Variants in PIEZO2 observed in about 807,000 individuals in gnomAD.
The protein encoded by PIEZO2 is piezo type mechanosensitive ion channel component 2, also known as piezo-type mechanosensitive ion channel component 2.
Under a neutral mutation model 337.3 loss-of-function variants are expected in PIEZO2, and 172 were observed. That is an observed-to-expected ratio of 0.51 (90% CI 0.45 to 0.58). The LOEUF is 0.58. PIEZO2 is among the 20% of genes least tolerant of loss of function. The pLI is 0.00. For synonymous variants in PIEZO2, 1,251 were observed against 1,228.5 expected, an observed-to-expected ratio of 1.02 and a Z score of -0.38; for missense variants, 3,028 against 3,391.3, an observed-to-expected ratio of 0.89 and a Z score of 2.66.
At chr18:10,900,010 G>A (rs1291436296) in intron 4 of PIEZO2, among the ~76,000 whole-genome samples, 2 of 152,066 alleles carry the variant, frequency 1.3e-5, no homozygotes, top group African/African-American at 4.8e-5. Flanking sequence ...AGAAGTTTTC[G>A]TGAAGGATTG....
rs559803938 is a variant in PIEZO2 at position 10,871,853 on chromosome 18, C to G, written c.330-438G>C. ...GTTAAAGTAATCCTGGAATCCAGGA[C>G]CTCTTCATTATTTTGTATACTTGGT... On this transcript the variant is annotated intron_variant, in intron 4 of 55. Transcript: ENST00000674853. Among the ~76,000 whole-genome samples, 35 of 152,230 alleles carry G rather than the reference C, an allele frequency of 2.3e-4. No individual in the cohort carries two copies. In the South Asian group the frequency reaches 7.3e-3, roughly 32 times the overall value.
At chr18:10,720,411 A>C (rs12455613) in intron 36 of PIEZO2, among the ~76,000 whole-genome samples, 3 of 9,962 alleles carry the variant, frequency 3.0e-4, no homozygotes, top group South Asian at 4.2e-3. Flanking sequence ...GTGTATGTGT[A>C]TGTGTATGTA....
rs1207163888 is a variant in PIEZO2 at position 10,846,307 on chromosome 18, T to C, written c.917+9046A>G. Among the ~76,000 whole-genome samples the C allele has an allele frequency of 6.6e-6, 1 of 152,130 alleles. No individual in the cohort carries two copies. Among genetic ancestry groups the C allele is most frequent in the African/African-American group, 2.4e-5 (1 of 41,420 alleles). The stretch of plus-strand genomic sequence containing the variant: ...ACTCCCGTTTTTTAAAACCATCAGA[T>C]TTGTGAGACTCATTCACTATCACCA... On this transcript the variant is annotated intron_variant, in intron 7 of 55. Transcript: ENST00000674853. This position sits in a 1 kb window ranked among gnomAD's most constrained non-coding sequence, Gnocchi z 4.1.
At chr18:10,683,241 C>G (rs2034355681) in intron 49 of PIEZO2, among the ~76,000 whole-genome samples, 1 of 152,224 alleles carries the variant, frequency 6.6e-6, no homozygotes, top group South Asian at 2.1e-4. Context: ...TAGGCACTAG[C>G]CATAGATTAC....
rs1429665340 is a variant in PIEZO2, at chr18:10,794,799, C to G, written c.1731G>C (p.Lys577Asn). The change falls in exon 13 of 56, where the codon AAG becomes AAC. Residue 577 changes from lysine (K) to asparagine (N), a missense_variant. Lys to Asn is a moderately conservative substitution (Grantham distance 94). Coordinates refer to ENST00000674853, the MANE Select transcript of PIEZO2 (RefSeq NM_001378183.1). The surrounding 1 kb of genome is among the most constrained non-coding windows in gnomAD (Gnocchi z 6.6). Reference sequence around the variant, plus strand: ...TGGAAGCAAGTTCTCCTGGCTCTTTCTTTTCTAAAAATCCTGGAACTTTTT... The same window carrying G: ...TGGAAGCAAGTTCTCCTGGCTCTTTGTTTTCTAAAAATCCTGGAACTTTTT... Reference protein sequence around the residue: ...EIKKVPGFLEKKEPGELASKI... With the variant: ...EIKKVPGFLENKEPGELASKI... 1 of 1,534,900 alleles carries G rather than the reference C, an allele frequency of 6.5e-7. No individual in the cohort carries two copies. The highest frequency in any genetic ancestry group is 8.7e-7 in the Non-Finnish European group (1 of 1,145,930).
At chr18:10,851,677 T>A (rs771677057) in intron 7 of PIEZO2, among the ~76,000 whole-genome samples, 5 of 152,164 alleles carry the variant, frequency 3.3e-5, no homozygotes, top group Admixed American at 6.5e-5. Flanking sequence ...GGGAAAAATT[T>A]AAAAAAATTT....
Position 10,973,238 on chromosome 18 carries a change from C to T in PIEZO2, c.286+6297G>A, listed in dbSNP as rs2034311845. On this transcript the variant is annotated intron_variant, in intron 3 of 55. Coordinates refer to ENST00000674853, the MANE Select transcript of PIEZO2 (RefSeq NM_001378183.1). The surrounding 1 kb of genome is among the most constrained non-coding windows in gnomAD (Gnocchi z 4.9). ...TGTCATGCAGTGCTACCACTCAGCT[C>T]GCCTTCGTGCCTGTGTCTAGCTTTT... Among the ~76,000 whole-genome samples the T allele has an allele frequency of 6.6e-6, 1 of 152,228 alleles. No individual in the cohort carries two copies. Among genetic ancestry groups the T allele is most frequent in the South Asian group, 2.1e-4 (1 of 4,830 alleles).
At chr18:10,928,145 C>T (rs1178792300) in intron 3 of PIEZO2, among the ~76,000 whole-genome samples, 1 of 152,184 alleles carries the variant, frequency 6.6e-6, no homozygotes. Flanking sequence ...AGAATGAAGT[C>T]TGGCTTTGAA....
Position 10,770,047 on chromosome 18 carries a change from T to C in PIEZO2, c.2946+101A>G, listed in dbSNP as rs1419844102. 2.4e-6 allele frequency: 3 copies of C among 1,257,524 alleles called. No individual in the cohort carries two copies. In the East Asian group the frequency reaches 7.6e-5, roughly 32 times the overall value. The allele number at this position is 1,257,524 out of a possible 1,614,324, so 77.9% of individuals were successfully genotyped here. On this transcript the variant is annotated intron_variant, in intron 21 of 55. Transcript: ENST00000674853. ...GTCTTGGAGTCTTGATACTCCGATGTAATGCGGATCACATTAAAAAAATCA... is the reference window on the plus strand; with the variant it reads ...GTCTTGGAGTCTTGATACTCCGATGCAATGCGGATCACATTAAAAAAATCA...
Position 11,009,178 on chromosome 18 carries a change from G to A in PIEZO2, c.161-29518C>T, listed in dbSNP as rs763338997. ...AATCCTGGTAGGTTGCTCTTGCCAC[G>A]TCACTGTTATTTGCCTGGGCAGTGT... On this transcript the variant is annotated intron_variant, in intron 2 of 55. Transcript: ENST00000674853. This position sits in a 1 kb window ranked among gnomAD's most constrained non-coding sequence, Gnocchi z 4.6. 1.7e-4 allele frequency among the ~76,000 whole-genome samples: 26 copies of A among 152,186 alleles called. No individual in the cohort carries two copies. Among genetic ancestry groups the A allele is most frequent in the Non-Finnish European group, 2.6e-4 (18 of 68,040 alleles).
At chr18:10,715,172 A>G (rs1200086157) in intron 38 of PIEZO2, among the ~76,000 whole-genome samples, 2 of 152,240 alleles carry the variant, frequency 1.3e-5, no homozygotes, top group Non-Finnish European at 2.9e-5. Context: ...TAACCTTTCA[A>G]GATATGAACT....
intron 1 of PIEZO2, among the ~76,000 whole-genome samples, chr18:11,117,819 G>A (rs1347865981): frequency 1.3e-5 from 2 of 152,182 alleles, no homozygotes; most frequent in African/African-American, 2.4e-5. Context: ...CCACAGAGGA[G>A]TATGAAGTCA....
At chr18:11,071,106 A>G (rs1398180437) in intron 1 of PIEZO2, among the ~76,000 whole-genome samples, 1 of 152,210 alleles carries the variant, frequency 6.6e-6, no homozygotes, top group Non-Finnish European at 1.5e-5. Flanking sequence ...GAGAACAGGA[A>G]TCGAAAAGAA....
In PIEZO2 at chr18:10,724,860, G is replaced by A. The variant is rs1567988308; in HGVS notation, c.5029+6547C>T. On this transcript the variant is annotated intron_variant, in intron 36 of 55. Transcript: ENST00000674853. The surrounding 1 kb of genome is among the most constrained non-coding windows in gnomAD (Gnocchi z 5.8). ...ACGGCGGCCACATGCGTCGCAGTGA[G>A]AGCACCTACTCTGTAAATAGTACTG... 2 of 1,607,808 alleles carry A rather than the reference G, an allele frequency of 1.2e-6. No homozygotes were observed.
chr18:10,944,024 G>A (rs562807159), intron 3 of PIEZO2, among the ~76,000 whole-genome samples: 13 of 152,240 alleles, frequency 8.5e-5, no homozygotes, highest in South Asian at 4.1e-4. Flanking sequence ...ATGTGGAACC[G>A]TAAATCCAAT....
chr18:11,075,689 T>C (rs2038507324), intron 1 of PIEZO2, among the ~76,000 whole-genome samples: 1 of 152,120 alleles, frequency 6.6e-6, no homozygotes, highest in Non-Finnish European at 1.5e-5. Flanking sequence ...TATGCTTACA[T>C]ACGTATTCTT....
rs1418819623 is a variant in PIEZO2, at chr18:11,032,114, A to T, written c.160+34013T>A. ...AAGCGTGTGCTACATGGCCCCAATC[A>T]TGCTATTTGAATTGAGTAACAAACT... is the stretch of plus-strand genomic sequence containing the variant. On this transcript the variant is annotated intron_variant, in intron 2 of 55. Coordinates refer to ENST00000674853, the MANE Select transcript of PIEZO2 (RefSeq NM_001378183.1). The surrounding 1 kb of genome is among the most constrained non-coding windows in gnomAD (Gnocchi z 4.9). Among the ~76,000 whole-genome samples the T allele has an allele frequency of 6.6e-6, 1 of 152,196 alleles. No homozygotes were observed. Among genetic ancestry groups the T allele is most frequent in the Non-Finnish European group, 1.5e-5 (1 of 68,030 alleles).
At position 11,143,633 on chromosome 18, in the gene PIEZO2, ACACACACTCTCTCT is replaced by A. The variant is rs1425629886; in HGVS notation, c.64+4878_64+4891del. Among the ~76,000 whole-genome samples the A allele has an allele frequency of 7.3e-3, 504 of 68,936 alleles. 4 individuals carry two copies. Among genetic ancestry groups the A allele is most frequent in the African/African-American group, 0.039 (482 of 12,390 alleles). The allele number at this position is 68,936 out of a possible 152,430, so 45.2% of individuals were successfully genotyped here. A position where few individuals can be genotyped will look rare whatever the true frequency, so the allele number is the denominator to read the frequency against. On this transcript the variant is annotated intron_variant, in intron 1 of 55. Transcript: ENST00000674853. The surrounding 1 kb of genome is among the most constrained non-coding windows in gnomAD (Gnocchi z 4.9). ...CACACACACACACACACACACACAC[ACACACACTCTCTCT>A]CTCTCTCTCTCTCTCTCTCTCTCTC...
chr18:10,998,015 A>G (rs886186143), intron 2 of PIEZO2, among the ~76,000 whole-genome samples: 10 of 152,196 alleles, frequency 6.6e-5, no homozygotes, highest in African/African-American at 2.4e-4. Flanking sequence ...GAAAACAGAG[A>G]AAAATGTCAC....
Sources: gnomAD v4.1 joint callset for allele counts (sites outside exome capture counted in the v4.1 genomes callset) on GRCh38, gnomAD v4.1.1 for gene constraint, Gnocchi (gnomAD v3.1) non-coding constraint, MANE v1.5 for transcripts, NCBI Gene and HGNC (gene_info 2026-07-23, HGNC 2026-07-21) for gene names.